The following MYH9 variants were observed in gnomAD, a reference collection of about 807,000 sequenced individuals.
The protein encoded by MYH9 is myosin heavy chain 9, also known as myosin-9.
A neutral mutation model predicts 241.9 loss-of-function variants in MYH9; 29 were observed. The ratio of observed to expected loss-of-function variants is 0.12; its 90% CI spans 0.09 to 0.16. The LOEUF is 0.16. Ranked by LOEUF, MYH9 falls within the 10% of genes least tolerant of loss-of-function variation. The pLI, the probability that MYH9 is intolerant of heterozygous loss-of-function variation, is 1.00. For missense variants in MYH9, 1,803 were observed against 2,595.5 expected (o/e 0.69, Z 6.63); for synonymous variants, 1,047 against 1,062.6 (o/e 0.99, Z 0.29).
In MYH9 at chr22:36,311,488, A is replaced by G. The variant is rs926937133; in HGVS notation, c.1728+561T>C. On this transcript the variant is annotated intron_variant, in intron 14 of 40. Transcript: ENST00000216181. ...CAGGGATGCTGGTAAACATCCTAGC[A>G]TGCACAGGAGGGTCCCACAACAAAG... 3.3e-5 allele frequency among the ~76,000 whole-genome samples: 5 copies of G among 152,198 alleles called. No individual in the cohort carries two copies. In the South Asian group the frequency reaches 1.0e-3, roughly 32 times the overall value.
In MYH9 at chr22:36,288,627, A is replaced by G; in HGVS notation, c.4770+100T>C. 1 of 1,462,158 alleles carries G rather than the reference A, an allele frequency of 6.8e-7. No individual in the cohort carries two copies. The highest frequency in any genetic ancestry group is 9.5e-7 in the Non-Finnish European group (1 of 1,057,092). The allele number at this position is 1,462,158 out of a possible 1,614,324, so 90.6% of individuals were successfully genotyped here. ...GGAATATGGGAGGGGAGGCGTGGTC[A>G]AGGGGCCCTAACACAATCCAGGTGG... is the stretch of plus-strand genomic sequence containing the variant. On this transcript the variant is annotated intron_variant, in intron 33 of 40. Transcript: ENST00000216181. This position sits in a 1 kb window ranked among gnomAD's most constrained non-coding sequence, Gnocchi z 4.8.
At chr22:36,384,408 CCTCAT>C (rs1254217223) in intron 1 of MYH9, among the ~76,000 whole-genome samples, 1 of 148,130 alleles carries the variant, frequency 6.8e-6, no homozygotes, top group East Asian at 2.0e-4. Context: ...CATGGTGAAA[CCTCAT>C]CTCAACTACA....
chr22:36,285,831 G>A lies in MYH9; in HGVS notation c.5150+34C>T. 6.2e-7 allele frequency: 1 copy of A among 1,613,548 alleles called. No individual in the cohort carries two copies. The highest frequency in any genetic ancestry group is 8.5e-7 in the Non-Finnish European group (1 of 1,179,940). ...GGGGCCTACCCTGGGGACACACCTG[G>A]TCCCCCCCAACTCTGCCCCCTCACT... On this transcript the variant is annotated intron_variant, in intron 36 of 40. Transcript: ENST00000216181. This position sits in a 1 kb window ranked among gnomAD's most constrained non-coding sequence, Gnocchi z 7.0.
chr22:36,294,330 G>T, intron 27 of MYH9, 32 bp from the exon 28 acceptor site: 4 of 1,607,164 alleles, frequency 2.5e-6, no homozygotes, highest in Non-Finnish European at 3.4e-6. Context: ...ACGTGAGTGG[G>T]GGCCTCCTGA....
At chr22:36,291,882 G>A (rs942286433) in intron 31 of MYH9, 104 bp downstream of exon 31, 16 of 1,571,892 alleles carry the variant, frequency 1.0e-5, no homozygotes, top group East Asian at 6.8e-5. Flanking sequence ...GCCCCTCCCC[G>A]GCGAGACCCT....
intron 5 of MYH9, among the ~76,000 whole-genome samples, chr22:36,325,730 G>C (rs1266070996): frequency 6.6e-6 from 1 of 152,218 alleles, no homozygotes; most frequent in African/African-American, 2.4e-5. Flanking sequence ...GACAGCTATG[G>C]TGCGCTGTGG....
Position 36,286,753 on chromosome 22 carries a change from T to C in MYH9, c.5026A>G (p.Lys1676Glu), listed in dbSNP as rs138158369. ...TGGATCATCTCGGCCTCCATGCTCTTCAGCTTCTTCTCGTTCTCTTTGGCC... is the reference window on the plus strand; with the variant it reads ...TGGATCATCTCGGCCTCCATGCTCTCCAGCTTCTTCTCGTTCTCTTTGGCC... ...AQAKENEKKL[K>E]SMEAEMIQLQ... Residue 1676 changes from lysine to glutamate, a missense_variant, in exon 35 of 41, where the codon AAG becomes GAG. Lys to Glu is a moderately conservative substitution (Grantham distance 56). This residue lies in a region of MYH9 where 876 missense variants were observed against 1,077.8 expected (regional missense o/e 0.81). Transcript: ENST00000216181. The C allele has an allele frequency of 5.5e-4, 880 of 1,613,138 alleles. 1 individual carries two copies. The highest frequency in any genetic ancestry group is 6.6e-4 in the Non-Finnish European group (778 of 1,180,044).
chr22:36,329,881 G>T lies in MYH9; in HGVS notation c.491-2393C>A, dbSNP rs1218465249. Among the ~76,000 whole-genome samples, 1 of 152,186 alleles carries T rather than the reference G, an allele frequency of 6.6e-6. No individual in the cohort carries two copies. Among genetic ancestry groups the T allele is most frequent in the Non-Finnish European group, 1.5e-5 (1 of 68,044 alleles). Reference sequence around the variant, plus strand: ...GAGGTACGTGTGCACAGAAATACATGCGCACACACGTGTGCAAAGCCATAT... The same window carrying T: ...GAGGTACGTGTGCACAGAAATACATTCGCACACACGTGTGCAAAGCCATAT... On this transcript the variant is annotated intron_variant, in intron 3 of 40. Coordinates refer to ENST00000216181, the MANE Select transcript of MYH9 (RefSeq NM_002473.6). The surrounding 1 kb of genome is among the most constrained non-coding windows in gnomAD (Gnocchi z 4.1).
chr22:36,387,655 C>G (rs952751465), intron 1 of MYH9, among the ~76,000 whole-genome samples, 152 bp downstream of exon 1: 4 of 151,444 alleles, frequency 2.6e-5, no homozygotes, highest in African/African-American at 9.6e-5. Flanking sequence ...GATGCGGTGC[C>G]GGGCCCTGAG....
rs368797590 is a variant in MYH9 at position 36,295,593 on chromosome 22, G to C, written c.3397C>G (p.Gln1133Glu). The C allele has an allele frequency of 2.4e-5, 38 of 1,613,866 alleles. No homozygotes were observed. Among genetic ancestry groups the C allele is most frequent in the Admixed American group, 6.7e-5 (4 of 59,994 alleles). Reference protein sequence around the residue: ...ERASRNKAEKQKRDLGEELEA... With the variant: ...ERASRNKAEKEKRDLGEELEA... Reference sequence around the variant, plus strand: ...AGCTCTTCCCCAAGGTCCCGTTTCTGCTTCTCAGCTTTATTCCTGGAAGCA... The same window carrying C: ...AGCTCTTCCCCAAGGTCCCGTTTCTCCTTCTCAGCTTTATTCCTGGAAGCA... The change falls in exon 26 of 41, where the codon CAG (glutamine) becomes GAG (glutamate). Residue 1133 changes from glutamine to glutamate, a missense_variant. This residue lies in a region of MYH9 where 290 missense variants were observed against 360.5 expected (regional missense o/e 0.80). Coordinates refer to ENST00000216181, the MANE Select transcript of MYH9 (RefSeq NM_002473.6). The surrounding 1 kb of genome is among the most constrained non-coding windows in gnomAD (Gnocchi z 4.1).
rs2017969600 is a variant in MYH9, at chr22:36,363,746, G to A, written c.-19-14491C>T. ...GGGGACGTCCCCTCCTAAATAGTGA[G>A]GGGCAGATGATCCCCTTTGACTCAC... On this transcript the variant is annotated intron_variant, in intron 1 of 40. Coordinates refer to ENST00000216181, the MANE Select transcript of MYH9 (RefSeq NM_002473.6). Among the ~76,000 whole-genome samples, 3 of 152,184 alleles carry A rather than the reference G, an allele frequency of 2.0e-5. No homozygotes were observed. In the South Asian group the frequency reaches 6.2e-4, roughly 32 times the overall value.
In MYH9 at chr22:36,300,730, A is replaced by T. The variant is rs570986020; in HGVS notation, c.2838+121T>A. 9.0e-7 allele frequency: 1 copy of T among 1,116,084 alleles called. No homozygotes were observed. The highest frequency in any genetic ancestry group is 1.3e-5 in the South Asian group (1 of 77,030). 69.1% of individuals were successfully genotyped at this position (1,116,084 alleles called of 1,614,324 possible). A position where few individuals can be genotyped will look rare whatever the true frequency, so the allele number is the denominator to read the frequency against. On this transcript the variant is annotated intron_variant, in intron 22 of 40. Transcript: ENST00000216181. The surrounding 1 kb of genome is among the most constrained non-coding windows in gnomAD (Gnocchi z 5.0). Reference sequence around the variant, plus strand: ...ACCTCTCACTGAGAGCCCCAAGCAGATTGCGTGAGGAGCAGCCTCCTTGGA... The same window carrying T: ...ACCTCTCACTGAGAGCCCCAAGCAGTTTGCGTGAGGAGCAGCCTCCTTGGA...
intron 12 of MYH9, among the ~76,000 whole-genome samples, chr22:36,315,116 G>A (rs2017129952): frequency 6.6e-6 from 1 of 151,730 alleles, no homozygotes; most frequent in African/African-American, 2.4e-5. Context: ...AACTAGCCAT[G>A]GGCTTAATAA....
In MYH9 at chr22:36,381,168, C is replaced by T. The variant is rs1269814937; in HGVS notation, c.-20+6639G>A. On this transcript the variant is annotated intron_variant, in intron 1 of 40. Coordinates refer to ENST00000216181, the MANE Select transcript of MYH9 (RefSeq NM_002473.6). ...GAGACCTACAGATTAGCCAGCTGGA[C>T]CCCTTATTTTTATAGTTAAGAAAAA... Among the ~76,000 whole-genome samples, 3 of 152,208 alleles carry T rather than the reference C, an allele frequency of 2.0e-5. No individual in the cohort carries two copies. In the East Asian group the frequency reaches 5.8e-4, roughly 29 times the overall value.
chr22:36,304,126 C>A lies in MYH9; in HGVS notation c.2259G>T (p.Leu753=), dbSNP rs371033188. Residue 753 remains leucine (L), a synonymous_variant, in exon 19 of 41, where the codon CTG becomes CTT. Transcript: ENST00000216181. The part of the protein sequence containing the change: ...MIKALELDSN[L]YRIGQSKVFF... ...AGACTTTGCTCTGGCCAATGCGGTA[C>A]AGATTGCTGTCGAGCTCCAGGGCTT... 8.1e-6 allele frequency: 13 copies of A among 1,613,530 alleles called. No individual in the cohort carries two copies. The African/African-American group carries it at 1.2e-4, about 15-fold the overall frequency.
At chr22:36,304,661 C>T (rs1207612886) in intron 18 of MYH9, among the ~76,000 whole-genome samples, 5 of 152,192 alleles carry the variant, frequency 3.3e-5, no homozygotes, top group African/African-American at 9.7e-5. Context: ...GCCCAGGTCA[C>T]GGAGCACCAG....
At chr22:36,342,660 G>T (rs923853524) in intron 2 of MYH9, among the ~76,000 whole-genome samples, 3 of 151,476 alleles carry the variant, frequency 2.0e-5, no homozygotes, top group African/African-American at 7.3e-5. Flanking sequence ...CCTAAAAGCT[G>T]CGCAAGACTC....
intron 1 of MYH9, among the ~76,000 whole-genome samples, chr22:36,370,194 G>A (rs2018068679): frequency 6.6e-6 from 1 of 152,170 alleles, no homozygotes; most frequent in Admixed American, 6.5e-5. Flanking sequence ...AGGTCAAAGG[G>A]CCTGCAGGTG....
rs1231259764 is a variant in MYH9, at chr22:36,305,027, A to G, written c.2229+6T>C. 1 of 1,613,556 alleles carries G rather than the reference A, an allele frequency of 6.2e-7. No individual in the cohort carries two copies. The highest frequency in any genetic ancestry group is 8.5e-7 in the Non-Finnish European group (1 of 1,179,704). On this transcript the variant is annotated splice_donor_region_variant and intron_variant, in intron 18 of 40. Coordinates refer to ENST00000216181, the MANE Select transcript of MYH9 (RefSeq NM_002473.6). This position sits in a 1 kb window ranked among gnomAD's most constrained non-coding sequence, Gnocchi z 4.7. ...CCAGAGAGGCAGGGACAGCAGCTCA[A>G]CTCACCATGAGCACGCACGCCTGCT...
Sources: gnomAD v4.1 joint callset for allele counts (sites outside exome capture counted in the v4.1 genomes callset) on GRCh38, gnomAD v4.1.1 for gene constraint, gnomAD v4.1.1 regional missense constraint, Gnocchi (gnomAD v3.1) non-coding constraint, MANE v1.5 for transcripts, NCBI Gene and HGNC (gene_info 2026-07-23, HGNC 2026-07-21) for gene names.